The following TMEM268 variants were observed in gnomAD, a reference collection of about 807,000 sequenced individuals.
TMEM268 encodes transmembrane protein C9orf91.
A neutral mutation model predicts 39.1 loss-of-function variants in TMEM268; 24 were observed. The observed-to-expected ratio is 0.61, with a 90% CI of 0.44 to 0.86. The LOEUF is 0.86. Ranked by LOEUF, TMEM268 falls within the 40% of genes least tolerant of loss-of-function variation. TMEM268 has a pLI of 0.00. For missense variants in TMEM268, 409 were observed against 428.6 expected (o/e 0.95, Z 0.40); for synonymous variants, 176 against 173.5 (o/e 1.01, Z -0.12).
chr9:114,611,815 G>T (rs1054099791), intron 1 of TMEM268, among the ~76,000 whole-genome samples: 6 of 152,172 alleles, frequency 3.9e-5, no homozygotes, highest in Admixed American at 2.0e-4. Context: ...GGGCCAGACT[G>T]ATTTATGGGG....
intron 4 of TMEM268, 66 bp from the exon 5 acceptor site, chr9:114,628,035 T>C: frequency 6.3e-7 from 1 of 1,578,398 alleles, no homozygotes; most frequent in South Asian, 1.1e-5. Flanking sequence ...AGGTGTCCCT[T>C]TGAATGGAGC....
chr9:114,605,639 G>A, the TMEM268 span, among the ~76,000 whole-genome samples: 24 of 152,216 alleles, frequency 1.6e-4, no homozygotes, highest in South Asian at 5.0e-3. Flanking sequence ...AATAACTTAC[G>A]GCCGGGTGCA....
chr9:114,635,487 C>T (rs1261022863), intron 6 of TMEM268, among the ~76,000 whole-genome samples: 1 of 152,102 alleles, frequency 6.6e-6, no homozygotes. Context: ...CACCAGCAGC[C>T]TGGGCAACAT....
chr9:114,627,287 A>G (rs536953642), intron 4 of TMEM268, among the ~76,000 whole-genome samples: 1 of 152,354 alleles, frequency 6.6e-6, no homozygotes, highest in Non-Finnish European at 1.5e-5. Flanking sequence ...CTCTGGGCTC[A>G]ATATCTGGCC....
At chr9:114,642,791 A>C (rs1274480378) in intron 8 of TMEM268, among the ~76,000 whole-genome samples, 3 of 152,118 alleles carry the variant, frequency 2.0e-5, no homozygotes, top group Non-Finnish European at 4.4e-5. Context: ...AGCTAGGCTT[A>C]AAAAATTAGA....
intron 4 of TMEM268, 130 bp from the exon 5 acceptor site, chr9:114,627,971 C>G: frequency 1.1e-6 from 1 of 946,180 alleles, no homozygotes; most frequent in South Asian, 1.6e-5. Context: ...GCATCAATCT[C>G]TTACTGGTGC....
In TMEM268 at chr9:114,624,230, C is replaced by G; in HGVS notation, c.107-120C>G. 4.7e-6 allele frequency: 7 copies of G among 1,480,730 alleles called. No individual in the cohort carries two copies. In the South Asian group the frequency reaches 8.0e-5, roughly 17 times the overall value. 91.7% of individuals were successfully genotyped at this position (1,480,730 alleles called of 1,614,324 possible). A position where few individuals can be genotyped will look rare whatever the true frequency, so the allele number is the denominator to read the frequency against. On this transcript the variant is annotated intron_variant, in intron 2 of 8. Transcript: ENST00000288502. Reference sequence around the variant, plus strand: ...GAGGATTTGAGGATGGCCACCGTGTCCCTCCTTGTTGCGAGGAGGTTCTCA... The same window carrying G: ...GAGGATTTGAGGATGGCCACCGTGTGCCTCCTTGTTGCGAGGAGGTTCTCA...
At chr9:114,610,201 G>C (rs1398005438), upstream of TMEM268, among the ~76,000 whole-genome samples, 1 of 152,060 alleles carries the variant, frequency 6.6e-6, no homozygotes, top group African/African-American at 2.4e-5. Context: ...CACCAGGCCC[G>C]GCTAATTTTG....
chr9:114,620,187 C>T (rs1381756886), intron 2 of TMEM268, among the ~76,000 whole-genome samples: 1 of 152,098 alleles, frequency 6.6e-6, no homozygotes, highest in Non-Finnish European at 1.5e-5. Flanking sequence ...TGCACTCCAG[C>T]CTTGGTGACA....
the TMEM268 span, among the ~76,000 whole-genome samples, chr9:114,604,795 T>C: frequency 6.6e-6 from 1 of 152,140 alleles, no homozygotes; most frequent in Non-Finnish European, 1.5e-5. Context: ...TTATGTTCTA[T>C]GCACATATAT....
chr9:114,607,794 T>C (rs1845386447), upstream of TMEM268, among the ~76,000 whole-genome samples: 1 of 151,632 alleles, frequency 6.6e-6, no homozygotes, highest in African/African-American at 2.4e-5. Flanking sequence ...AACCCGAGAA[T>C]GAGTTGGTTC....
chr9:114,634,594 A>G (rs76736456), intron 6 of TMEM268, among the ~76,000 whole-genome samples: 2,806 of 152,254 alleles, frequency 0.018, 80 homozygotes, highest in African/African-American at 0.062. Context: ...TGATCTGCCC[A>G]GTGGAATTGC....
intron 4 of TMEM268, 111 bp downstream of exon 4, chr9:114,627,117 T>TGC (rs1846195516): frequency 1.4e-6 from 1 of 718,760 alleles, no homozygotes; most frequent in Non-Finnish European, 2.4e-6. Flanking sequence ...TTGGGGGCTG[T>TGC]TGGCCCAGGT....
intron 5 of TMEM268, among the ~76,000 whole-genome samples, chr9:114,628,688 C>G (rs1474866272): frequency 6.6e-6 from 1 of 152,120 alleles, no homozygotes; most frequent in African/African-American, 2.4e-5. Context: ...AGATGCCGAC[C>G]TGGTGCTCTA....
chr9:114,623,151 A>G (rs1846017437), intron 2 of TMEM268, among the ~76,000 whole-genome samples: 1 of 152,046 alleles, frequency 6.6e-6, no homozygotes, highest in Non-Finnish European at 1.5e-5. Flanking sequence ...TTTGTTATTT[A>G]TTTATTTATT....
At chr9:114,618,167 A>G (rs1396963235) in intron 2 of TMEM268, among the ~76,000 whole-genome samples, 3 of 151,518 alleles carry the variant, frequency 2.0e-5, no homozygotes, top group African/African-American at 7.3e-5. Flanking sequence ...GTGAGCCACC[A>G]CACCTGGCCC....
the TMEM268 span, among the ~76,000 whole-genome samples, chr9:114,605,151 A>G: frequency 1.3e-5 from 2 of 152,232 alleles, no homozygotes; most frequent in African/African-American, 2.4e-5. Flanking sequence ...TTCAACAGAA[A>G]AGAAACGCTT....
chr9:114,635,156 C>T (rs901360527), intron 6 of TMEM268, among the ~76,000 whole-genome samples: 6 of 151,646 alleles, frequency 4.0e-5, no homozygotes, highest in Non-Finnish European at 4.4e-5. Flanking sequence ...GCCTGGGCAA[C>T]GTGGTGAAAC....
At position 114,638,639 on chromosome 9, in the gene TMEM268, T is replaced by G. The variant is rs569537254; in HGVS notation, c.762T>G (p.Ala254=). The G allele has an allele frequency of 6.2e-7, 1 of 1,610,260 alleles. No individual in the cohort carries two copies. Among genetic ancestry groups the G allele is most frequent in the Non-Finnish European group, 8.5e-7 (1 of 1,178,480 alleles). Residue 254 remains alanine, a synonymous_variant, in exon 8 of 9, where the codon GCT becomes GCG. Transcript: ENST00000288502. The part of the protein sequence containing the change: ...TAEGPENLED[A]PLLPGNSCPN... ...AGGGGCCTGAGAACTTGGAGGATGC[T>G]CCTCTCCTGCCCGGCAATTCTTGTC...
Sources: gnomAD v4.1 joint callset for allele counts (sites outside exome capture counted in the v4.1 genomes callset) on GRCh38, gnomAD v4.1.1 for gene constraint, MANE v1.5 for transcripts, NCBI Gene and HGNC (gene_info 2026-07-23, HGNC 2026-07-21) for gene names.